CDH12: variants seen among roughly 807,000 people sequenced by gnomAD.
The protein encoded by CDH12 is cadherin 12.
Under a neutral mutation model 74.1 loss-of-function variants are expected in CDH12, and 41 were observed. The ratio of observed to expected loss-of-function variants is 0.55; its 90% confidence interval spans 0.43 to 0.72. The LOEUF (loss-of-function observed/expected upper bound fraction) is 0.72, where lower values mean the gene tolerates loss of function less well. Ranked by LOEUF, CDH12 falls within the 30% of genes least tolerant of loss-of-function variation. The pLI, the probability that CDH12 is intolerant of heterozygous loss-of-function variation, is 0.00. For synonymous variants in CDH12, 399 were observed against 355.0 expected, an observed-to-expected ratio of 1.12 and a Z score of -1.39; for missense variants, 945 against 977.2, an observed-to-expected ratio of 0.97 and a Z score of 0.44.
intron 3 of CDH12, among the ~76,000 whole-genome samples, chr5:22,335,245 G>A (rs1162258756): frequency 6.6e-6 from 1 of 152,182 alleles, no homozygotes; most frequent in African/African-American, 2.4e-5. Flanking sequence ...ATTCCCACAT[G>A]TTGTGGGAGG....
intron 1 of CDH12, among the ~76,000 whole-genome samples, chr5:22,778,113 C>A (rs1028925599): frequency 6.6e-6 from 1 of 152,118 alleles, no homozygotes; most frequent in South Asian, 2.1e-4. Context: ...CCAGATATTA[C>A]ATTTTTTTGT....
At chr5:22,384,398 C>T (rs1741903586) in intron 3 of CDH12, among the ~76,000 whole-genome samples, 1 of 150,202 alleles carries the variant, frequency 6.7e-6, no homozygotes, top group Non-Finnish European at 1.5e-5. Flanking sequence ...TGATGGTGGG[C>T]GCCTGTAGTC....
At chr5:22,501,834 C>G (rs1358475890) in intron 2 of CDH12, among the ~76,000 whole-genome samples, 1 of 151,740 alleles carries the variant, frequency 6.6e-6, no homozygotes, top group African/African-American at 2.4e-5. Context: ...TAAAGAAAGA[C>G]TCAAATCCAC....
At chr5:22,132,877 C>T (rs1746253548) in intron 4 of CDH12, among the ~76,000 whole-genome samples, 2 of 152,240 alleles carry the variant, frequency 1.3e-5, no homozygotes, top group South Asian at 4.1e-4. Context: ...CAAGGAGCCA[C>T]TGCCTCACAT....
intron 1 of CDH12, among the ~76,000 whole-genome samples, chr5:22,846,821 C>T (rs1020597480): frequency 6.6e-6 from 1 of 152,170 alleles, no homozygotes. Context: ...GGGCAGATCA[C>T]ATGCCATATA....
chr5:22,319,774 C>G (rs922295627), intron 3 of CDH12, among the ~76,000 whole-genome samples: 1 of 151,444 alleles, frequency 6.6e-6, no homozygotes, highest in African/African-American at 2.4e-5. Flanking sequence ...GGGATCATTT[C>G]AGGGTTCCTT....
rs1741737328 is a variant in CDH12, at chr5:22,068,749, G to A, written c.231+9697C>T. On this transcript the variant is annotated intron_variant, in intron 5 of 14. Coordinates refer to ENST00000382254, the MANE Select transcript of CDH12 (RefSeq NM_004061.5). ...CAGAGGAAGATATTAATAATCAAGTGGATAGGACAACCCATTCTGTGGATA... is the reference window on the plus strand; with the variant it reads ...CAGAGGAAGATATTAATAATCAAGTAGATAGGACAACCCATTCTGTGGATA... 3.3e-5 allele frequency among the ~76,000 whole-genome samples: 5 copies of A among 152,294 alleles called. No homozygotes were observed. The East Asian group carries it at 7.7e-4, about 24-fold the overall frequency.
chr5:22,661,022 CT>C (rs1275729871), intron 1 of CDH12, among the ~76,000 whole-genome samples: 2 of 152,142 alleles, frequency 1.3e-5, no homozygotes, highest in African/African-American at 4.8e-5. Flanking sequence ...TTTCTAAATT[CT>C]TTGTAATTAC....
At chr5:22,323,934 C>T (rs1481107472) in intron 3 of CDH12, among the ~76,000 whole-genome samples, 3 of 152,070 alleles carry the variant, frequency 2.0e-5, no homozygotes, top group Non-Finnish European at 2.9e-5. Context: ...AATTGACTTG[C>T]CCAAAAGTCT....
At chr5:21,904,031 G>A (rs557442536) in intron 6 of CDH12, among the ~76,000 whole-genome samples, 2 of 152,262 alleles carry the variant, frequency 1.3e-5, no homozygotes, top group South Asian at 2.1e-4. Context: ...CAATATTCAA[G>A]ACTGATAATT....
At chr5:22,591,422 G>A (rs969413935) in intron 1 of CDH12, among the ~76,000 whole-genome samples, 2 of 152,092 alleles carry the variant, frequency 1.3e-5, no homozygotes, top group Non-Finnish European at 1.5e-5. Context: ...AAAATGGCAT[G>A]TTTGTAATTT....
At chr5:21,824,618 T>G (rs1016248343) in intron 8 of CDH12, among the ~76,000 whole-genome samples, 2 of 152,172 alleles carry the variant, frequency 1.3e-5, no homozygotes, top group African/African-American at 4.8e-5. Context: ...GATTTTAACT[T>G]TCCTCAGCAT....
At chr5:21,951,189 A>T (rs1353729672) in intron 6 of CDH12, among the ~76,000 whole-genome samples, 1 of 152,182 alleles carries the variant, frequency 6.6e-6, no homozygotes, top group Non-Finnish European at 1.5e-5. Context: ...AATACGATTA[A>T]GCAAGTATCA....
intron 3 of CDH12, among the ~76,000 whole-genome samples, chr5:22,315,521 T>C (rs1738594944): frequency 6.6e-6 from 1 of 152,006 alleles, no homozygotes; most frequent in Non-Finnish European, 1.5e-5. Flanking sequence ...ATTAAGAAAA[T>C]GTAGGAGAAT....
intron 6 of CDH12, among the ~76,000 whole-genome samples, chr5:21,966,611 T>C (rs1756597029): frequency 6.6e-6 from 1 of 152,124 alleles, no homozygotes. Context: ...CTGTTGAACA[T>C]ACACCTAAAA....
At chr5:22,557,401 C>G (rs924047076) in intron 1 of CDH12, among the ~76,000 whole-genome samples, 1 of 151,998 alleles carries the variant, frequency 6.6e-6, no homozygotes, top group Non-Finnish European at 1.5e-5. Context: ...AGGTCTTACC[C>G]GAATGAACAT....
intron 3 of CDH12, among the ~76,000 whole-genome samples, chr5:22,274,202 T>C (rs1022201410): frequency 3.9e-5 from 6 of 152,132 alleles, no homozygotes; most frequent in African/African-American, 9.7e-5. Context: ...GCCATATGTT[T>C]TTTGTCAAAG....
intron 5 of CDH12, among the ~76,000 whole-genome samples, chr5:22,009,149 C>A (rs537915535): frequency 2.2e-4 from 34 of 152,132 alleles, no homozygotes; most frequent in Non-Finnish European, 4.7e-4. Context: ...GAAGCTGAGG[C>A]GACTAATATA....
intron 2 of CDH12, among the ~76,000 whole-genome samples, chr5:22,442,168 G>A (rs1224237075): frequency 1.3e-5 from 2 of 152,116 alleles, no homozygotes. Context: ...GAGAATTACT[G>A]TGATATTGGA....
Sources: gnomAD v4.1 joint callset for allele counts (sites outside exome capture counted in the v4.1 genomes callset) on GRCh38, gnomAD v4.1.1 for gene constraint, MANE v1.5 for transcripts, NCBI Gene and HGNC (gene_info 2026-07-23, HGNC 2026-07-21) for gene names.